Variants in SYTL2 observed in about 807,000 individuals in gnomAD.
SYTL2 encodes synaptotagmin-like protein 2.
SYTL2 carries 165 observed loss-of-function variants against 198.7 expected under a neutral mutation model. That is an observed-to-expected ratio of 0.83 (90% CI 0.73 to 0.94). The LOEUF (loss-of-function observed/expected upper bound fraction) is 0.94. Among genes scored for constraint, SYTL2 ranks in the 40% least tolerant of loss-of-function variants. SYTL2 has a pLI of 0.00. For missense variants in SYTL2, 2,835 were observed against 2,582.8 expected, an observed-to-expected ratio of 1.10 and a Z score of -2.12; for synonymous variants, 966 against 917.7, an observed-to-expected ratio of 1.05 and a Z score of -0.95.
chr11:85,817,724 A>G, the SYTL2 span, among the ~76,000 whole-genome samples: 1 of 152,070 alleles, frequency 6.6e-6, no homozygotes, highest in Non-Finnish European at 1.5e-5. Context: ...ACATCCAGAG[A>G]GGGACTTGTG....
intron 1 of SYTL2, among the ~76,000 whole-genome samples, chr11:85,759,451 C>T (rs1318756519): frequency 6.6e-6 from 1 of 152,128 alleles, no homozygotes; most frequent in East Asian, 1.9e-4. Context: ...TTGTGCTTGA[C>T]ATTAGGATGT....
intron 1 of SYTL2, among the ~76,000 whole-genome samples, chr11:85,783,390 G>A (rs1300867172): frequency 6.6e-6 from 1 of 152,098 alleles, no homozygotes; most frequent in African/African-American, 2.4e-5. Flanking sequence ...CACAACAGGT[G>A]GGGATTATGG....
At chr11:85,753,766 TAAAA>T (rs869050309) in intron 2 of SYTL2, among the ~76,000 whole-genome samples, 1 of 47,720 alleles carries the variant, frequency 2.1e-5, no homozygotes, top group Admixed American at 2.0e-4. Flanking sequence ...CTCTCTTTTT[TAAAA>T]AAAAAAAAAA....
intron 1 of SYTL2, among the ~76,000 whole-genome samples, chr11:85,791,180 A>C (rs1441244138): frequency 2.0e-5 from 3 of 150,418 alleles, no homozygotes; most frequent in African/African-American, 7.3e-5. Context: ...AAAAAAAAAA[A>C]AAAAAAAAAA....
intron 14 of SYTL2, among the ~76,000 whole-genome samples, chr11:85,708,332 TA>T (rs1202303351): frequency 6.6e-6 from 1 of 151,986 alleles, no homozygotes; most frequent in Non-Finnish European, 1.5e-5. Context: ...TCTTCAATGT[TA>T]AAAAAATAAA....
At chr11:85,777,108 T>C (rs766530493) in intron 1 of SYTL2, among the ~76,000 whole-genome samples, 27 of 152,242 alleles carry the variant, frequency 1.8e-4, no homozygotes, top group Non-Finnish European at 3.2e-4. Flanking sequence ...TCTATTTTCC[T>C]ACATACACAA....
In SYTL2 at chr11:85,698,410, A is replaced by G. The variant is rs201496986; in HGVS notation, c.6269-332T>C. The stretch of plus-strand genomic sequence containing the variant: ...TTACAGTTATATTCAAAACATTTCA[A>G]TGAAATGCATATACCTTGCAAACAT... On this transcript the variant is annotated intron_variant, in intron 17 of 19. Coordinates refer to ENST00000359152, the MANE Select transcript of SYTL2 (RefSeq NM_206927.4). 8.5e-5 allele frequency among the ~76,000 whole-genome samples: 13 copies of G among 152,388 alleles called. No homozygotes were observed. In the East Asian group the frequency reaches 2.3e-3, roughly 27 times the overall value.
At chr11:85,843,466 A>G in the SYTL2 span, among the ~76,000 whole-genome samples, 1 of 152,112 alleles carries the variant, frequency 6.6e-6, no homozygotes, top group Admixed American at 6.6e-5. Flanking sequence ...TAAATACGGA[A>G]CATAGCCTTG....
chr11:85,800,201 G>C (rs2092865292), intron 1 of SYTL2, among the ~76,000 whole-genome samples: 1 of 152,144 alleles, frequency 6.6e-6, no homozygotes. Flanking sequence ...ACTGAGACTT[G>C]ACTAACACAG....
upstream of SYTL2, among the ~76,000 whole-genome samples, chr11:85,812,118 T>C (rs555817542): frequency 6.6e-6 from 1 of 152,138 alleles, no homozygotes; most frequent in African/African-American, 2.4e-5. Context: ...AAAAAATAAA[T>C]AAAATAATTT....
chr11:85,747,376 C>G (rs1343948046), intron 3 of SYTL2, among the ~76,000 whole-genome samples: 1 of 152,066 alleles, frequency 6.6e-6, no homozygotes, highest in Non-Finnish European at 1.5e-5. Context: ...AGAAACCATG[C>G]TACAAGCCCA....
Position 85,725,371 on chromosome 11 carries a change from T to G in SYTL2, c.3987A>C (p.Gln1329His), listed in dbSNP as rs1341485720. 1.9e-6 allele frequency: 3 copies of G among 1,614,026 alleles called. No homozygotes were observed. The highest frequency in any genetic ancestry group is 2.5e-6 in the Non-Finnish European group (3 of 1,179,978). ...GAGCATCCTGGGGAAAAAGCATATC[T>G]TGGGGAGGGCTGGCCACATCCCCAA... ...GSFGDVASPP[Q>H]DMLFPQDAHL... Residue 1329 changes from glutamine (Q) to histidine (H), a missense_variant, in exon 8 of 20, where the codon CAA becomes CAC. Transcript: ENST00000359152.
intron 14 of SYTL2, 38 bp from the exon 15 acceptor site, chr11:85,707,569 TA>T: frequency 2.2e-6 from 3 of 1,353,154 alleles, no homozygotes; most frequent in Non-Finnish European, 3.1e-6. Flanking sequence ...TCAAAGAAAA[TA>T]AAAGTTATGT....
At chr11:85,738,675 T>C (rs1365269760) in intron 4 of SYTL2, among the ~76,000 whole-genome samples, 4 of 152,216 alleles carry the variant, frequency 2.6e-5, no homozygotes, top group Admixed American at 6.5e-5. Flanking sequence ...ATGTCATTTT[T>C]AGAAGCCAGT....
At position 85,745,786 on chromosome 11, in the gene SYTL2, C is replaced by A; in HGVS notation, c.254-14G>T. ...TACTCTGCTCAGCTGAAACAGGAAA[C>A]AGTAAAGACAGGAAGGTTATCTCTC... On this transcript the variant is annotated splice_polypyrimidine_tract_variant and intron_variant, in intron 3 of 19. Coordinates refer to ENST00000359152, the MANE Select transcript of SYTL2 (RefSeq NM_206927.4). The A allele has an allele frequency of 6.2e-7, 1 of 1,602,318 alleles. No individual in the cohort carries two copies.
intron 1 of SYTL2, among the ~76,000 whole-genome samples, chr11:85,769,385 A>G (rs1426073808): frequency 2.0e-5 from 3 of 152,170 alleles, no homozygotes; most frequent in Admixed American, 1.3e-4. Context: ...TGTTTTGAAG[A>G]TGGAGGAAGG....
the SYTL2 span, among the ~76,000 whole-genome samples, chr11:85,843,862 G>C: frequency 1.3e-5 from 2 of 152,144 alleles, no homozygotes; most frequent in South Asian, 4.1e-4. Context: ...GAAAGGTAGA[G>C]TAACTCATCC....
At chr11:85,698,612 A>T (rs1591534579) in intron 17 of SYTL2, among the ~76,000 whole-genome samples, 1 of 152,088 alleles carries the variant, frequency 6.6e-6, no homozygotes, top group Non-Finnish European at 1.5e-5. Context: ...ATCATGGCTC[A>T]CTGCAGCCTC....
At chr11:85,797,684 T>C (rs1283583849) in intron 1 of SYTL2, among the ~76,000 whole-genome samples, 1 of 151,868 alleles carries the variant, frequency 6.6e-6, no homozygotes, top group Admixed American at 6.6e-5. Context: ...ATTATTATTG[T>C]CCCTTTTGTC....
Sources: gnomAD v4.1 joint callset for allele counts (sites outside exome capture counted in the v4.1 genomes callset) on GRCh38, gnomAD v4.1.1 for gene constraint, MANE v1.5 for transcripts, NCBI Gene and HGNC (gene_info 2026-07-23, HGNC 2026-07-21) for gene names.